TBP: variants seen among roughly 807,000 people sequenced by gnomAD.
The protein encoded by TBP is TATA-box-binding protein.
TBP carries 12 observed loss-of-function variants against 46.2 expected under a neutral mutation model. The ratio of observed to expected loss-of-function variants is 0.26; its 90% CI spans 0.17 to 0.42. The LOEUF is 0.42. Among genes scored for constraint, TBP ranks in the 10% least tolerant of loss-of-function variants. The probability of loss-of-function intolerance (pLI) is 1.00; values close to 1 mark genes in which losing one functional copy is unlikely to be tolerated. For synonymous variants in TBP, 157 were observed against 148.3 expected, an observed-to-expected ratio of 1.06 and a Z score of -0.42; for missense variants, 229 against 403.1, an observed-to-expected ratio of 0.57 and a Z score of 3.70.
At chr6:170,566,870 T>A in intron 4 of TBP, 48 bp from the exon 5 acceptor site, 1 of 1,566,666 alleles carries the variant, frequency 6.4e-7, no homozygotes, top group African/African-American at 1.3e-5. Context: ...CTAACAACAT[T>A]GAGCAGTTTG....
At chr6:170,570,599 G>A (rs1280693461) in intron 6 of TBP, among the ~76,000 whole-genome samples, 2 of 152,094 alleles carry the variant, frequency 1.3e-5, no homozygotes, top group East Asian at 1.9e-4. Context: ...TTGGGAGGCC[G>A]AGGCAGGCAG....
chr6:170,572,169 C>G lies in TBP; in HGVS notation c.941-17C>G. ...GCCATTTCAGTCTCTCATCTCTACTCCAACTTGTCTTCTTAGGTGCTAAAG... is the reference window on the plus strand; with the variant it reads ...GCCATTTCAGTCTCTCATCTCTACTGCAACTTGTCTTCTTAGGTGCTAAAG... On this transcript the variant is annotated splice_polypyrimidine_tract_variant and intron_variant, in intron 7 of 7. Transcript: ENST00000392092. The G allele has an allele frequency of 9.3e-6, 15 of 1,605,850 alleles. No individual in the cohort carries two copies. The highest frequency in any genetic ancestry group is 1.2e-5 in the Non-Finnish European group (14 of 1,172,684).
chr6:170,561,752 G>A (rs774448149), intron 2 of TBP, 39 bp from the exon 3 acceptor site: 1 of 1,587,860 alleles, frequency 6.3e-7, no homozygotes, highest in Non-Finnish European at 8.6e-7. Flanking sequence ...ACACTTAGCA[G>A]CAGCCAGCCT....
chr6:170,569,346 G>T (rs559602680), intron 5 of TBP, among the ~76,000 whole-genome samples: 2 of 152,290 alleles, frequency 1.3e-5, no homozygotes, highest in African/African-American at 4.8e-5. Context: ...ACTGATGATG[G>T]TGATAATTCA....
chr6:170,564,439 G>A, intron 3 of TBP, 106 bp from the exon 4 acceptor site: 1 of 713,800 alleles, frequency 1.4e-6, no homozygotes. Context: ...TTAAAAAAAA[G>A]TAAAGCCTGG....
intron 2 of TBP, among the ~76,000 whole-genome samples, chr6:170,560,097 T>G (rs1268410045): frequency 1.3e-5 from 2 of 152,242 alleles, no homozygotes; most frequent in African/African-American, 4.8e-5. Flanking sequence ...CCACAAGCTC[T>G]GATGGAGAAG....
intron 2 of TBP, among the ~76,000 whole-genome samples, chr6:170,557,719 G>A (rs1779054869): frequency 8.8e-6 from 1 of 113,952 alleles, no homozygotes. Context: ...CTGGGAGACA[G>A]AGCGAGACTC....
rs377394208 is a variant in TBP, at chr6:170,568,815, CTTTTTTTTTTTT to C, written c.678-781_678-770del. ...TTCTCTTCTTTCTTTCTTTCCTTTT[CTTTTTTTTTTTT>C]TTTTTTTTTTTTTTTGGTGGAGTCA... On this transcript the variant is annotated intron_variant, in intron 5 of 7. Transcript: ENST00000392092. 1.2e-3 allele frequency among the ~76,000 whole-genome samples: 73 copies of C among 62,614 alleles called. 1 individual carries two copies. Among genetic ancestry groups the C allele is most frequent in the Non-Finnish European group, 1.7e-3 (59 of 34,388 alleles). 41.1% of individuals were successfully genotyped at this position (62,614 alleles called of 152,430 possible).
At chr6:170,562,497 C>T (rs770812056) in intron 3 of TBP, among the ~76,000 whole-genome samples, 4 of 152,190 alleles carry the variant, frequency 2.6e-5, no homozygotes, top group Non-Finnish European at 5.9e-5. Context: ...CTGACTTTCA[C>T]TGTCGTTATT....
chr6:170,554,655 T>A (rs963347132), intron 1 of TBP, 192 bp downstream of exon 1: 1 of 152,592 alleles, frequency 6.6e-6, no homozygotes, highest in Non-Finnish European at 1.5e-5. Context: ...GGTGCCCTAC[T>A]CTGCTGTGTT....
chr6:170,569,587 T>A, intron 5 of TBP, 25 bp from the exon 6 acceptor site: 1 of 1,604,506 alleles, frequency 6.2e-7, no homozygotes, highest in Non-Finnish European at 8.5e-7. Context: ...TGAGTATGAA[T>A]AACTCACTTT....
chr6:170,561,605 G>T (rs1474948436), intron 2 of TBP, among the ~76,000 whole-genome samples, 186 bp from the exon 3 acceptor site: 1 of 152,058 alleles, frequency 6.6e-6, no homozygotes, highest in Non-Finnish European at 1.5e-5. Flanking sequence ...TTTATCCACT[G>T]TGTGGTATTA....
chr6:170,568,238 G>T (rs565844130), intron 5 of TBP, among the ~76,000 whole-genome samples: 1 of 152,194 alleles, frequency 6.6e-6, no homozygotes, highest in South Asian at 2.1e-4. Context: ...GTTTATCAAG[G>T]CAAGCTTTTC....
intron 2 of TBP, among the ~76,000 whole-genome samples, chr6:170,558,137 G>A (rs1471818910): frequency 6.6e-6 from 1 of 152,160 alleles, no homozygotes; most frequent in Non-Finnish European, 1.5e-5. Flanking sequence ...TTTCCAGTTT[G>A]GAGCTATTGC....
At chr6:170,567,096 T>C in intron 5 of TBP, 87 bp downstream of exon 5, 1 of 892,366 alleles carries the variant, frequency 1.1e-6, no homozygotes, top group Non-Finnish European at 1.6e-6. Context: ...AGGTTAGCAC[T>C]TTAACATGTT....
chr6:170,571,870 A>T (rs1779371284), intron 7 of TBP, among the ~76,000 whole-genome samples: 1 of 151,872 alleles, frequency 6.6e-6, no homozygotes, highest in Non-Finnish European at 1.5e-5. Context: ...AGAGAAGAAG[A>T]TTCAGTTGTT....
chr6:170,569,784 G>A lies in TBP; in HGVS notation c.845+5G>A. On this transcript the variant is annotated splice_donor_5th_base_variant and intron_variant, in intron 6 of 7. Coordinates refer to ENST00000392092, the MANE Select transcript of TBP (RefSeq NM_003194.5). ...CACCCACCAACAATTTAGTAGGTAAGTCTGAAATGTATTATGATTGTTATT... is the reference window on the plus strand; with the variant it reads ...CACCCACCAACAATTTAGTAGGTAAATCTGAAATGTATTATGATTGTTATT... 6.2e-7 allele frequency: 1 copy of A among 1,610,260 alleles called. No homozygotes were observed. The highest frequency in any genetic ancestry group is 8.5e-7 in the Non-Finnish European group (1 of 1,178,784).
intron 6 of TBP, among the ~76,000 whole-genome samples, chr6:170,570,356 G>A (rs1779346449): frequency 6.6e-6 from 1 of 152,124 alleles, no homozygotes; most frequent in Non-Finnish European, 1.5e-5. Flanking sequence ...CCACTTTTAT[G>A]CCTAGTATGC....
At chr6:170,564,856 TAA>T (rs750400341) in intron 4 of TBP, among the ~76,000 whole-genome samples, 27 of 138,770 alleles carry the variant, frequency 1.9e-4, no homozygotes, top group East Asian at 2.1e-4. Context: ...CCCTGTCTCT[TAA>T]AAAAAAAAAA....
Sources: allele counts gnomAD v4.1 joint callset (sites outside exome capture counted in the v4.1 genomes callset), GRCh38; gene constraint gnomAD v4.1.1; transcripts MANE v1.5; gene names NCBI Gene and HGNC (gene_info 2026-07-23, HGNC 2026-07-21).